Variants in FMN1 observed in about 807,000 individuals in gnomAD.
The protein encoded by FMN1 is formin 1, also known as formin-1.
In FMN1, 110 loss-of-function variants were observed where a neutral mutation model predicts 132.4. The observed-to-expected ratio is 0.83, with a 90% CI of 0.71 to 0.97. The LOEUF is 0.97. FMN1 is among the 50% of genes least tolerant of loss of function. FMN1 has a pLI of 0.00. For missense variants in FMN1, 1,792 were observed against 1,705.3 expected (o/e 1.05, Z -0.90); for synonymous variants, 722 against 651.7 (o/e 1.11, Z -1.64).
At chr15:32,957,034 C>T (rs1464760086) in intron 9 of FMN1, among the ~76,000 whole-genome samples, 1 of 152,024 alleles carries the variant, frequency 6.6e-6, no homozygotes, top group Non-Finnish European at 1.5e-5. Flanking sequence ...ACCATCACAA[C>T]CCCCTTCCCC....
At chr15:32,877,424 T>A (rs953389127) in intron 16 of FMN1, among the ~76,000 whole-genome samples, 16 of 151,966 alleles carry the variant, frequency 1.1e-4, no homozygotes, top group African/African-American at 3.9e-4. Flanking sequence ...GTTGACTTTT[T>A]AAAAAAAAGT....
intron 4 of FMN1, among the ~76,000 whole-genome samples, chr15:33,091,156 C>T (rs2038888374): frequency 6.6e-6 from 1 of 152,146 alleles, no homozygotes; most frequent in Non-Finnish European, 1.5e-5. Context: ...CAATGTACAA[C>T]ACCTGAGGTA....
chr15:33,065,794 T>C (rs1006077986), intron 5 of FMN1, among the ~76,000 whole-genome samples: 5 of 152,234 alleles, frequency 3.3e-5, no homozygotes, highest in African/African-American at 9.6e-5. Context: ...TAAGATCTAC[T>C]GGACAGGTAC....
intron 15 of FMN1, among the ~76,000 whole-genome samples, chr15:32,897,565 G>C (rs1388663305): frequency 6.6e-6 from 1 of 152,208 alleles, no homozygotes; most frequent in Non-Finnish European, 1.5e-5. Context: ...ATCAGGTCTT[G>C]AGTTGGATCA....
At chr15:32,829,439 G>C (rs559455709) in intron 17 of FMN1, among the ~76,000 whole-genome samples, 39 of 152,282 alleles carry the variant, frequency 2.6e-4, no homozygotes, top group Non-Finnish European at 5.0e-4. Context: ...GGGGGTGAAA[G>C]ATAGTTTTCA....
At chr15:32,914,882 C>A (rs1458559100) in intron 10 of FMN1, among the ~76,000 whole-genome samples, 4 of 152,104 alleles carry the variant, frequency 2.6e-5, no homozygotes, top group Non-Finnish European at 4.4e-5. Flanking sequence ...GATCTGTCCC[C>A]CAGGGACTGG....
At chr15:32,828,282 A>G (rs932082188) in intron 17 of FMN1, among the ~76,000 whole-genome samples, 1 of 152,240 alleles carries the variant, frequency 6.6e-6, no homozygotes, top group Non-Finnish European at 1.5e-5. Context: ...TCAAAAAGAG[A>G]CAAAGTAATT....
At chr15:33,021,054 T>C (rs28675237) in intron 6 of FMN1, among the ~76,000 whole-genome samples, 1 of 152,220 alleles carries the variant, frequency 6.6e-6, no homozygotes, top group Non-Finnish European at 1.5e-5. Context: ...GATTTAAATT[T>C]AATTGCATAG....
chr15:33,125,512 T>C (rs1289013907), intron 4 of FMN1, among the ~76,000 whole-genome samples: 2 of 152,104 alleles, frequency 1.3e-5, no homozygotes, highest in Admixed American at 1.3e-4. Flanking sequence ...AATGAACCCT[T>C]CTCAAATTTG....
chr15:32,780,468 C>A (rs2056628113), intron 19 of FMN1, among the ~76,000 whole-genome samples: 1 of 152,164 alleles, frequency 6.6e-6, no homozygotes, highest in Non-Finnish European at 1.5e-5. Flanking sequence ...AAAAGGGAGG[C>A]ATGAATAATC....
At chr15:33,174,022 G>T (rs1179939401) in intron 3 of FMN1, among the ~76,000 whole-genome samples, 1 of 152,066 alleles carries the variant, frequency 6.6e-6, no homozygotes, top group Non-Finnish European at 1.5e-5. Context: ...AAACAGGAAA[G>T]AACTAAGGTT....
At chr15:33,167,509 C>T (rs1361801151) in intron 3 of FMN1, among the ~76,000 whole-genome samples, 1 of 152,178 alleles carries the variant, frequency 6.6e-6, no homozygotes, top group Non-Finnish European at 1.5e-5. Flanking sequence ...AGTGCTAGGC[C>T]TTTGGCTAAA....
intron 17 of FMN1, among the ~76,000 whole-genome samples, chr15:32,828,826 A>G (rs146056469): frequency 9.2e-5 from 14 of 152,368 alleles, no homozygotes; most frequent in Non-Finnish European, 1.6e-4. Context: ...TATTGATACA[A>G]CAAAGGAACA....
intron 9 of FMN1, among the ~76,000 whole-genome samples, chr15:32,941,131 A>G (rs988661047): frequency 6.6e-6 from 1 of 152,192 alleles, no homozygotes; most frequent in Admixed American, 6.6e-5. Flanking sequence ...ATTATTTTCC[A>G]TGTTTACGTG....
chr15:32,887,680 TCTAGAAA>T (rs201049532), intron 16 of FMN1, among the ~76,000 whole-genome samples: 2,174 of 152,256 alleles, frequency 0.014, 32 homozygotes, highest in Non-Finnish European at 0.022. Context: ...ATGTGTAAGT[TCTAGAAA>T]CTAGAAACTA....
intron 15 of FMN1, among the ~76,000 whole-genome samples, chr15:32,891,555 C>T (rs1393050550): frequency 2.0e-5 from 3 of 151,482 alleles, no homozygotes; most frequent in Non-Finnish European, 4.4e-5. Flanking sequence ...TTTTCTAATT[C>T]TGTTAAGAAT....
chr15:33,066,406 A>G, intron 5 of FMN1: 1 of 986,380 alleles, frequency 1.0e-6, no homozygotes, highest in Non-Finnish European at 1.5e-6. Flanking sequence ...TTTTCAACTA[A>G]AAGAATCACT....
At chr15:32,998,185 T>C (rs1184276695) in intron 7 of FMN1, among the ~76,000 whole-genome samples, 1 of 152,228 alleles carries the variant, frequency 6.6e-6, no homozygotes, top group Non-Finnish European at 1.5e-5. Context: ...TGGGCTGTAT[T>C]TGATGGTATC....
intron 16 of FMN1, among the ~76,000 whole-genome samples, chr15:32,887,623 T>C (rs1281625717): frequency 6.6e-6 from 1 of 152,232 alleles, no homozygotes; most frequent in Non-Finnish European, 1.5e-5. Flanking sequence ...ATGTGTACGA[T>C]ATGTATGATA....
Sources: allele counts gnomAD v4.1 joint callset (sites outside exome capture counted in the v4.1 genomes callset), GRCh38; gene constraint gnomAD v4.1.1; transcripts MANE v1.5; gene names NCBI Gene and HGNC (gene_info 2026-07-23, HGNC 2026-07-21).